ABCA13: variants seen among roughly 807,000 people sequenced by gnomAD.
ABCA13 encodes ATP binding cassette subfamily A member 13.
A neutral mutation model predicts 478.7 loss-of-function variants in ABCA13; 476 were observed. The ratio of observed to expected loss-of-function variants is 0.99; its 90% CI spans 0.92 to 1.07. The LOEUF (loss-of-function observed/expected upper bound fraction) is 1.07, where lower values mean the gene tolerates loss of function less well. Among genes scored for constraint, ABCA13 ranks in the 50% least tolerant of loss-of-function variants. ABCA13 has a pLI of 0.00. For synonymous variants in ABCA13, 2,252 were observed against 2,158.9 expected, an observed-to-expected ratio of 1.04 and a Z score of -1.20; for missense variants, 6,060 against 5,910.6, an observed-to-expected ratio of 1.03 and a Z score of -0.83.
At chr7:48,433,435 A>G (rs1822409668) in intron 42 of ABCA13, among the ~76,000 whole-genome samples, 1 of 149,396 alleles carries the variant, frequency 6.7e-6, no homozygotes. Flanking sequence ...GTGTTTTTAT[A>G]TATGATAAAT....
intron 24 of ABCA13, 32 bp from the exon 25 acceptor site, chr7:48,313,035 T>A: frequency 3.3e-6 from 5 of 1,517,078 alleles, no homozygotes; most frequent in Non-Finnish European, 3.5e-6. Context: ...GTTGGTTATT[T>A]CATGTTGTTT....
At chr7:48,287,141 G>A (rs1040023221) in intron 19 of ABCA13, among the ~76,000 whole-genome samples, 3 of 152,182 alleles carry the variant, frequency 2.0e-5, no homozygotes, top group Non-Finnish European at 4.4e-5. Context: ...TAAAAGATAC[G>A]TAGGTTCAGG....
intron 39 of ABCA13, among the ~76,000 whole-genome samples, chr7:48,408,764 G>T (rs990056529): frequency 6.6e-6 from 1 of 152,058 alleles, no homozygotes; most frequent in Non-Finnish European, 1.5e-5. Context: ...TTTCTTAGGG[G>T]TTTGTTGTAC....
chr7:48,203,651 C>T (rs1450391748), intron 3 of ABCA13, among the ~76,000 whole-genome samples: 1 of 152,224 alleles, frequency 6.6e-6, no homozygotes, highest in African/African-American at 2.4e-5. Flanking sequence ...ATATGAAGCA[C>T]TGCAGGCAAC....
chr7:48,201,275 C>T (rs73339660), intron 3 of ABCA13, among the ~76,000 whole-genome samples: 30,924 of 152,160 alleles, frequency 0.2, 3,398 homozygotes, highest in Middle Eastern at 0.26. Context: ...TGGGTGGGAG[C>T]GGGTTTCAGG....
rs962259138 is a variant in ABCA13, at chr7:48,272,072, GA to G, written c.2410del (p.Met804CysfsTer9). On this transcript the variant is annotated frameshift_variant, in exon 17 of 62. Transcript: ENST00000435803. LOFTEE classifies it high-confidence loss of function. Reference protein sequence around the residue: ...LLEFGNEVIWKMQTLGSHWIR... With the variant: ...LLEFGNEVIWXMQTLGSHWIR... ...TGGAATTTGGCAACGAAGTGATTTG[GA>G]AAATGCAGACTCTCGGAAGTCACTG... 44 of 1,613,678 alleles carry G rather than the reference GA, an allele frequency of 2.7e-5. No individual in the cohort carries two copies. The highest frequency in any genetic ancestry group is 3.7e-5 in the Non-Finnish European group (44 of 1,179,742).
intron 38 of ABCA13, among the ~76,000 whole-genome samples, chr7:48,396,944 G>A (rs991808393): frequency 6.6e-6 from 1 of 152,226 alleles, no homozygotes; most frequent in Non-Finnish European, 1.5e-5. Context: ...GCAGTATTAT[G>A]AACATTCTTT....
chr7:48,195,456 G>GA (rs560908421), intron 2 of ABCA13, among the ~76,000 whole-genome samples: 19 of 152,190 alleles, frequency 1.2e-4, no homozygotes, highest in Non-Finnish European at 2.6e-4. Context: ...CAACAGACAT[G>GA]AAGGAGGTAA....
intron 59 of ABCA13, among the ~76,000 whole-genome samples, chr7:48,635,209 C>T (rs1379943532): frequency 3.6e-5 from 4 of 111,140 alleles, no homozygotes; most frequent in Non-Finnish European, 6.9e-5. Flanking sequence ...AACTTCTCCA[C>T]ATTTTGTTGC....
Position 48,192,187 on chromosome 7 carries a change from G to GT in ABCA13, c.70-761dup, listed in dbSNP as rs540585616. On this transcript the variant is annotated intron_variant, in intron 1 of 61. Transcript: ENST00000435803. ...TTTTGGGCTATACCTTATAGGTGGT[G>GT]TTTTTTTTTTTCCTCAAATGATTAA... 4.3e-3 allele frequency among the ~76,000 whole-genome samples: 622 copies of GT among 146,200 alleles called. 2 individuals are homozygous for GT. The highest frequency in any genetic ancestry group is 0.014 in the Middle Eastern group (4 of 280).
At chr7:48,240,733 A>G in intron 9 of ABCA13, 134 bp from the exon 10 acceptor site, 1 of 667,310 alleles carries the variant, frequency 1.5e-6, no homozygotes. Flanking sequence ...AATTGCTAAC[A>G]GACATTTTAA....
In ABCA13 at chr7:48,323,196, C is replaced by T. The variant is rs938032969; in HGVS notation, c.9999+5900C>T. On this transcript the variant is annotated intron_variant, in intron 27 of 61. Coordinates refer to ENST00000435803, the MANE Select transcript of ABCA13 (RefSeq NM_152701.5). ...ATTATCTCATTGACTTACAGGCGTA[C>T]TTGTTTATTATTTGTCGCCTGCTGT... Among the ~76,000 whole-genome samples, 6 of 152,306 alleles carry T rather than the reference C, an allele frequency of 3.9e-5. No homozygotes were observed. The East Asian group carries it at 1.2e-3, about 29-fold the overall frequency.
rs1224699953 is a variant in ABCA13 at position 48,411,043 on chromosome 7, C to CT, written c.12228+369dup. The stretch of plus-strand genomic sequence containing the variant: ...TCTTTCTTTCTTTCTTTCTTTCTTT[C>CT]TTTCTTTTTCTTTCTTTCTTTCTTT... On this transcript the variant is annotated intron_variant, in intron 40 of 61. Coordinates refer to ENST00000435803, the MANE Select transcript of ABCA13 (RefSeq NM_152701.5). 2.3e-4 allele frequency among the ~76,000 whole-genome samples: 21 copies of CT among 89,382 alleles called. 2 individuals carry two copies. Among genetic ancestry groups the CT allele is most frequent in the Admixed American group, 6.0e-4 (5 of 8,282 alleles). 58.6% of individuals were successfully genotyped at this position (89,382 alleles called of 152,430 possible). A position where few individuals can be genotyped will look rare whatever the true frequency, so the allele number is the denominator to read the frequency against.
At chr7:48,337,112 A>C (rs1200048096) in intron 28 of ABCA13, among the ~76,000 whole-genome samples, 1 of 152,172 alleles carries the variant, frequency 6.6e-6, no homozygotes, top group African/African-American at 2.4e-5. Context: ...AGACGGCGTA[A>C]GTTGTTCCTC....
At chr7:48,433,912 AT>A (rs1322133922) in intron 42 of ABCA13, among the ~76,000 whole-genome samples, 1 of 151,998 alleles carries the variant, frequency 6.6e-6, no homozygotes, top group African/African-American at 2.4e-5. Flanking sequence ...TTGTTTATCC[AT>A]TTATCTGTTG....
intron 55 of ABCA13, among the ~76,000 whole-genome samples, chr7:48,557,884 T>G (rs66522605): frequency 0.14 from 21,072 of 152,128 alleles, 1,824 homozygotes; most frequent in African/African-American, 0.23. Flanking sequence ...TGAATAAACT[T>G]CCTGCCTCTA....
intron 32 of ABCA13, among the ~76,000 whole-genome samples, chr7:48,368,698 T>TATATAC (rs887367070): frequency 2.9e-5 from 4 of 140,338 alleles, no homozygotes; most frequent in African/African-American, 5.2e-5. Context: ...TATATATATA[T>TATATAC]ATATATATAT....
At chr7:48,555,310 G>T (rs1386822677) in intron 55 of ABCA13, among the ~76,000 whole-genome samples, 12 of 151,508 alleles carry the variant, frequency 7.9e-5, no homozygotes, top group Non-Finnish European at 1.8e-4. Flanking sequence ...TTGATATATT[G>T]TCTGATGTGG....
chr7:48,504,143 A>G (rs1830999481), intron 48 of ABCA13, among the ~76,000 whole-genome samples: 1 of 152,224 alleles, frequency 6.6e-6, no homozygotes, highest in Non-Finnish European at 1.5e-5. Flanking sequence ...AGGAAGCATA[A>G]GCAAATGACA....
Sources: gnomAD v4.1 joint callset for allele counts (sites outside exome capture counted in the v4.1 genomes callset) on GRCh38, gnomAD v4.1.1 for gene constraint, MANE v1.5 for transcripts, NCBI Gene and HGNC (gene_info 2026-07-23, HGNC 2026-07-21) for gene names.